Variants in CLSTN1 observed in about 807,000 individuals in gnomAD.
CLSTN1 encodes calsyntenin 1.
A neutral mutation model predicts 108.3 loss-of-function variants in CLSTN1; 28 were observed. That is an observed-to-expected ratio of 0.26 (90% CI 0.19 to 0.35). CLSTN1 has a LOEUF of 0.35. Among genes scored for constraint, CLSTN1 ranks in the 10% least tolerant of loss-of-function variants. CLSTN1 has a pLI of 1.00. For missense variants in CLSTN1, 1,157 were observed against 1,302.6 expected (o/e 0.89, Z 1.72); for synonymous variants, 524 against 534.9 (o/e 0.98, Z 0.28).
intron 9 of CLSTN1, among the ~76,000 whole-genome samples, chr1:9,742,889 A>C (rs1346822489): frequency 6.6e-6 from 1 of 151,792 alleles, no homozygotes; most frequent in Non-Finnish European, 1.5e-5. Context: ...CTGGGCAACA[A>C]AGCGAGACTC....
chr1:9,788,499 C>T lies in CLSTN1; in HGVS notation c.92-15105G>A, dbSNP rs373753361. Among the ~76,000 whole-genome samples, 11 of 150,790 alleles carry T rather than the reference C, an allele frequency of 7.3e-5. No homozygotes were observed. The South Asian group carries it at 1.1e-3, about 15-fold the overall frequency. On this transcript the variant is annotated intron_variant, in intron 1 of 18. Coordinates refer to ENST00000377298, the MANE Select transcript of CLSTN1 (RefSeq NM_001009566.3). ...AGGACAATCGCTTGAACCCAGGAGG[C>T]GGAGGTTGCAGTGAGCTGAGATCAT...
At chr1:9,765,241 G>C (rs373205817) in intron 2 of CLSTN1, among the ~76,000 whole-genome samples, 1 of 151,854 alleles carries the variant, frequency 6.6e-6, no homozygotes, top group Non-Finnish European at 1.5e-5. Context: ...AAAATTAGCC[G>C]GGCGTGGTGG....
Position 9,734,234 on chromosome 1 carries a change from C to T in CLSTN1, c.2111-92G>A, listed in dbSNP as rs187753164. The T allele has an allele frequency of 4.9e-5, 64 of 1,299,050 alleles. No individual in the cohort carries two copies. The South Asian group carries it at 7.7e-4, about 16-fold the overall frequency. 80.5% of individuals were successfully genotyped at this position (1,299,050 alleles called of 1,614,324 possible). A position where few individuals can be genotyped will look rare whatever the true frequency, so the allele number is the denominator to read the frequency against. On this transcript the variant is annotated intron_variant, in intron 14 of 18. Coordinates refer to ENST00000377298, the MANE Select transcript of CLSTN1 (RefSeq NM_001009566.3). This position sits in a 1 kb window ranked among gnomAD's most constrained non-coding sequence, Gnocchi z 4.8. ...GGATGCCCTGCCGGCTCACCCCAAA[C>T]CTACATGGCTCTCGTAAGGACCAAC...
chr1:9,760,634 C>T (rs1277380721), intron 2 of CLSTN1, among the ~76,000 whole-genome samples: 1 of 151,528 alleles, frequency 6.6e-6, no homozygotes, highest in African/African-American at 2.4e-5. Context: ...ATTCTCCCAC[C>T]TCAGCCTCCC....
Position 9,731,283 on chromosome 1 carries a change from G to A in CLSTN1, c.2671C>T (p.Arg891Trp), listed in dbSNP as rs148167401. 6.8e-6 allele frequency: 11 copies of A among 1,614,234 alleles called. No individual in the cohort carries two copies. The highest frequency in any genetic ancestry group is 9.3e-6 in the Non-Finnish European group (11 of 1,180,052). ...TTCTCCTTCCCGGTGTCCTGATCCC[G>A]CATGGTCCGCCGATGTGCGGCCCGG... ...RIRAAHRRTMRDQDTGKENEM... is the reference protein window; with the variant it reads ...RIRAAHRRTMWDQDTGKENEM... Residue 891 changes from arginine (R) to tryptophan (W), a missense_variant, in exon 18 of 19, where the codon CGG (arginine) becomes TGG (tryptophan). Coordinates refer to ENST00000377298, the MANE Select transcript of CLSTN1 (RefSeq NM_001009566.3).
In CLSTN1 at chr1:9,730,723, C is replaced by G. The variant is rs1276173034; in HGVS notation, c.2749-18G>C. On this transcript the variant is annotated intron_variant, in intron 18 of 18. Transcript: ENST00000377298. The surrounding 1 kb of genome is among the most constrained non-coding windows in gnomAD (Gnocchi z 5.6). ...TCATAGGTCTGGCAAGGAGAAGTGA[C>G]GGCCACATGAGTCCGGCCCTGCCCA... 1 of 1,580,344 alleles carries G rather than the reference C, an allele frequency of 6.3e-7. No individual in the cohort carries two copies. Among genetic ancestry groups the G allele is most frequent in the East Asian group, 2.3e-5 (1 of 43,104 alleles).
intron 5 of CLSTN1, among the ~76,000 whole-genome samples, chr1:9,750,842 G>A (rs1032528989): frequency 1.3e-5 from 2 of 151,986 alleles, no homozygotes; most frequent in Admixed American, 6.6e-5. Flanking sequence ...CCTGAGGTCA[G>A]GAGTTCAAGA....
In CLSTN1 at chr1:9,735,493, G is replaced by A; in HGVS notation, c.1857C>T (p.Arg619=). ...TGATTGTGCTGGTGATTTTGAGTCT[G>A]CGAATTCCGGGCGTGGGGAACTGCC... ...NSRQFPTPGI[R]RLKITSTIKC... is the part of the protein sequence containing the mutation. The change falls in exon 13 of 19, where the codon CGC becomes CGT. Residue 619 remains arginine, a synonymous_variant. Coordinates refer to ENST00000377298, the MANE Select transcript of CLSTN1 (RefSeq NM_001009566.3). 6.2e-7 allele frequency: 1 copy of A among 1,614,204 alleles called. No homozygotes were observed. Among genetic ancestry groups the A allele is most frequent in the Non-Finnish European group, 8.5e-7 (1 of 1,180,034 alleles).
chr1:9,731,495 C>T, intron 17 of CLSTN1, 105 bp from the exon 18 acceptor site: 2 of 1,246,668 alleles, frequency 1.6e-6, no homozygotes, highest in South Asian at 1.4e-5. Context: ...GGACAGCACG[C>T]TTCAGCTGAA....
chr1:9,801,634 A>G (rs541668205), intron 1 of CLSTN1, among the ~76,000 whole-genome samples: 1 of 152,290 alleles, frequency 6.6e-6, no homozygotes, highest in African/African-American at 2.4e-5. Flanking sequence ...GGCTCACTGC[A>G]ACCTCTGCCT....
At chr1:9,795,961 C>CA (rs70998311) in intron 1 of CLSTN1, among the ~76,000 whole-genome samples, 51 of 135,650 alleles carry the variant, frequency 3.8e-4, no homozygotes, top group African/African-American at 1.2e-3. Context: ...TCCCCACCTC[C>CA]AAAAAAAAAA....
chr1:9,817,521 T>C (rs1332374202), intron 1 of CLSTN1, among the ~76,000 whole-genome samples: 1 of 151,966 alleles, frequency 6.6e-6, no homozygotes, highest in Non-Finnish European at 1.5e-5. Context: ...AGAGATGGGG[T>C]TTCTCCATGT....
intron 1 of CLSTN1, among the ~76,000 whole-genome samples, chr1:9,813,435 G>A (rs947986565): frequency 6.6e-6 from 1 of 151,346 alleles, no homozygotes; most frequent in Non-Finnish European, 1.5e-5. Flanking sequence ...GAAGGCGGAG[G>A]TTGCAGTGAG....
At chr1:9,736,827 G>A (rs1264380273) in intron 11 of CLSTN1, among the ~76,000 whole-genome samples, 6 of 152,068 alleles carry the variant, frequency 3.9e-5, no homozygotes, top group African/African-American at 7.2e-5. Context: ...TAATCCCAGC[G>A]CTTCAGGAGG....
Position 9,771,120 on chromosome 1 carries a change from A to G in CLSTN1, c.214+2152T>C, listed in dbSNP as rs552224761. ...CAAAGGAGGACCTGAGGGAGCAAAT[A>G]CACAAGCCTGGACTGCAATCACTTC... On this transcript the variant is annotated intron_variant, in intron 2 of 18. Coordinates refer to ENST00000377298, the MANE Select transcript of CLSTN1 (RefSeq NM_001009566.3). 7.8e-4 allele frequency among the ~76,000 whole-genome samples: 119 copies of G among 152,360 alleles called. No homozygotes were observed. In the South Asian group the frequency reaches 0.024, roughly 31 times the overall value.
At position 9,749,639 on chromosome 1, in the gene CLSTN1, G is replaced by A. The variant is rs369468295; in HGVS notation, c.807C>T (p.Asn269=). 7.5e-5 allele frequency: 121 copies of A among 1,613,740 alleles called. No homozygotes were observed. The highest frequency in any genetic ancestry group is 9.7e-5 in the Non-Finnish European group (114 of 1,179,870). ...TGCCCGGCTCATACTCAATCCTGTT[G>A]TTCCATCCTGTGTTGGTCCACAAGT... is the stretch of plus-strand genomic sequence containing the variant. ...PTCTPGWQGW[N]NRIEYEPGTG... The change falls in exon 7 of 19, where the codon AAC becomes AAT. Residue 269 remains asparagine, a synonymous_variant. Transcript: ENST00000377298.
Position 9,734,034 on chromosome 1 carries a change from A to T in CLSTN1, c.2219T>A (p.Met740Lys). 1 of 1,614,168 alleles carries T rather than the reference A, an allele frequency of 6.2e-7. No homozygotes were observed. The highest frequency in any genetic ancestry group is 2.2e-5 in the East Asian group (1 of 44,872). Residue 740 changes from methionine to lysine, a missense_variant, in exon 15 of 19, where the codon ATG (methionine) becomes AAG (lysine). Coordinates refer to ENST00000377298, the MANE Select transcript of CLSTN1 (RefSeq NM_001009566.3). This position sits in a 1 kb window ranked among gnomAD's most constrained non-coding sequence, Gnocchi z 4.8. ...AATGCCCTTCTGCTGCAGGCGGGCC[A>T]TGTCCACCTCCAGGCTCTCCTGCTC... ...NHEQESLEVDMARLQQKGIEV... is the reference protein window; with the variant it reads ...NHEQESLEVDKARLQQKGIEV...
Position 9,796,804 on chromosome 1 carries a change from G to C in CLSTN1, c.92-23410C>G, listed in dbSNP as rs75122224. ...AACGGCCTCTGGTAACCTTTCAAAG[G>C]CATCATACTTGGTTGGCTCTGTTCA... On this transcript the variant is annotated intron_variant, in intron 1 of 18. Coordinates refer to ENST00000377298, the MANE Select transcript of CLSTN1 (RefSeq NM_001009566.3). Among the ~76,000 whole-genome samples the C allele has an allele frequency of 7.9e-5, 12 of 152,278 alleles. No homozygotes were observed. The East Asian group carries it at 2.3e-3, about 29-fold the overall frequency.
rs941462059 is a variant in CLSTN1, at chr1:9,730,320, C to T, written c.*188G>A. The T allele has an allele frequency of 2.8e-5, 18 of 642,978 alleles. No individual in the cohort carries two copies. The highest frequency in any genetic ancestry group is 1.8e-4 in the Admixed American group (7 of 38,710). The allele number at this position is 642,978 out of a possible 1,614,324, so 39.8% of individuals were successfully genotyped here. On this transcript the variant is annotated 3_prime_UTR_variant, in exon 19 of 19. Transcript: ENST00000377298. This position sits in a 1 kb window ranked among gnomAD's most constrained non-coding sequence, Gnocchi z 5.6. The stretch of plus-strand genomic sequence containing the variant: ...GTCAGCTCCTCGTGGGACTGAAGAG[C>T]GCGACCAGGCAGAGGGTGGGCGGGG...
Sources: allele counts gnomAD v4.1 joint callset (sites outside exome capture counted in the v4.1 genomes callset), GRCh38; gene constraint gnomAD v4.1.1; non-coding constraint Gnocchi (gnomAD v3.1); transcripts MANE v1.5; gene names NCBI Gene and HGNC (gene_info 2026-07-23, HGNC 2026-07-21).